Variants in DNAI3 observed in about 807,000 individuals in gnomAD.
The protein encoded by DNAI3 is WD repeat domain 63.
A neutral mutation model predicts 115.5 loss-of-function variants in DNAI3; 83 were observed. The ratio of observed to expected loss-of-function variants is 0.72; its 90% CI spans 0.60 to 0.86. The LOEUF is 0.86. Among genes scored for constraint, DNAI3 ranks in the 40% least tolerant of loss-of-function variants. The probability of loss-of-function intolerance (pLI) is 0.00; values close to 1 mark genes in which losing one functional copy is unlikely to be tolerated. For synonymous variants in DNAI3, 320 were observed against 347.0 expected (o/e 0.92, Z 0.86); for missense variants, 1,004 against 1,075.8 (o/e 0.93, Z 0.93).
At position 85,069,026 on chromosome 1, in the gene DNAI3, C is replaced by T. The variant is rs548319230; in HGVS notation, c.-14-2902C>T. ...AGCTCATCCACACCACAGTGCATAG[C>T]ATGAGAAGAAATAAATGTTTGTTAC... On this transcript the variant is annotated intron_variant, in intron 1 of 22. Transcript: ENST00000294664. Among the ~76,000 whole-genome samples the T allele has an allele frequency of 2.3e-3, 348 of 152,334 alleles. 1 individual carries two copies. Among genetic ancestry groups the T allele is most frequent in the African/African-American group, 8.1e-3 (338 of 41,574 alleles).
At chr1:85,111,732 A>G (rs1027919383) in intron 16 of DNAI3, among the ~76,000 whole-genome samples, 3 of 152,224 alleles carry the variant, frequency 2.0e-5, no homozygotes, top group Admixed American at 1.3e-4. Context: ...TATAGGAAGG[A>G]TATCAGTATC....
intron 21 of DNAI3, among the ~76,000 whole-genome samples, chr1:85,129,609 G>A (rs375460615): frequency 1.3e-5 from 2 of 152,210 alleles, no homozygotes; most frequent in Middle Eastern, 3.4e-3. Flanking sequence ...AAGAAATGGG[G>A]AAAAAGCAAC....
intron 3 of DNAI3, among the ~76,000 whole-genome samples, chr1:85,078,114 T>C (rs1654515516): frequency 6.6e-6 from 1 of 152,088 alleles, no homozygotes; most frequent in East Asian, 1.9e-4. Context: ...TCCTTGTCTA[T>C]GTGTAGAGAA....
In DNAI3 at chr1:85,073,073, A is replaced by G. The variant is rs907393902; in HGVS notation, c.84A>G (p.Pro28=). 2.6e-6 allele frequency: 4 copies of G among 1,554,128 alleles called. No homozygotes were observed. Among genetic ancestry groups the G allele is most frequent in the Non-Finnish European group, 3.5e-6 (4 of 1,148,672 alleles). Residue 28 remains proline, a synonymous_variant, in exon 3 of 23, where the codon CCA becomes CCG. Transcript: ENST00000294664. ...PVLAASEDME[P]VNMESMGHPE... is the part of the protein sequence containing the mutation. ...TTCTAGCTAGTGAAGACATGGAACC[A>G]GTAAATATGGAGAGCATGGGTAAGT...
At chr1:85,069,517 T>G (rs891141646) in intron 1 of DNAI3, among the ~76,000 whole-genome samples, 2 of 152,062 alleles carry the variant, frequency 1.3e-5, no homozygotes, top group African/African-American at 4.8e-5. Flanking sequence ...TATATATATG[T>G]GGAATAAATA....
chr1:85,112,723 G>T (rs888636320), intron 16 of DNAI3, among the ~76,000 whole-genome samples: 1 of 152,090 alleles, frequency 6.6e-6, no homozygotes, highest in Non-Finnish European at 1.5e-5. Flanking sequence ...ATCTTCCCTG[G>T]TTAAGTGTCT....
intron 6 of DNAI3, 46 bp from the exon 7 acceptor site, chr1:85,085,785 A>C (rs868274280): frequency 6.6e-7 from 1 of 1,519,436 alleles, no homozygotes; most frequent in African/African-American, 1.4e-5. Flanking sequence ...TTGCCTACAC[A>C]TCAGGGACTT....
At chr1:85,125,219 C>CTA (rs755784797) in intron 19 of DNAI3, among the ~76,000 whole-genome samples, 6 of 151,764 alleles carry the variant, frequency 4.0e-5, no homozygotes, top group Admixed American at 6.6e-5. Context: ...AAGCCTGAAA[C>CTA]TATATATATA....
chr1:85,110,154 T>G lies in DNAI3; in HGVS notation c.1786+19T>G. On this transcript the variant is annotated intron_variant, in intron 16 of 22. Coordinates refer to ENST00000294664, the MANE Select transcript of DNAI3 (RefSeq NM_145172.5). Reference sequence around the variant, plus strand: ...ACACAAGGTAACTGCCTTTGCTTATTTAAAAAAAAAAAAAAGGCCGGGCGC... The same window carrying G: ...ACACAAGGTAACTGCCTTTGCTTATGTAAAAAAAAAAAAAAGGCCGGGCGC... 6.3e-7 allele frequency: 1 copy of G among 1,597,076 alleles called. No homozygotes were observed. The highest frequency in any genetic ancestry group is 2.2e-5 in the East Asian group (1 of 44,546).
chr1:85,086,739 A>C (rs1322392940), intron 7 of DNAI3, among the ~76,000 whole-genome samples: 1 of 151,972 alleles, frequency 6.6e-6, no homozygotes, highest in Non-Finnish European at 1.5e-5. Flanking sequence ...ACCATTCATC[A>C]TCATCTCCTG....
intron 17 of DNAI3, 60 bp from the exon 18 acceptor site, chr1:85,121,691 G>A: frequency 2.0e-6 from 3 of 1,469,936 alleles, no homozygotes; most frequent in Non-Finnish European, 2.8e-6. Context: ...GCACATGAGT[G>A]TGAAGTCTTT....
intron 16 of DNAI3, among the ~76,000 whole-genome samples, chr1:85,115,386 A>G (rs1655785992): frequency 6.6e-6 from 1 of 152,242 alleles, no homozygotes; most frequent in African/African-American, 2.4e-5. Flanking sequence ...GGATGAATGC[A>G]TAACCACCTG....
intron 3 of DNAI3, among the ~76,000 whole-genome samples, chr1:85,079,004 G>T (rs1398497172): frequency 6.6e-6 from 1 of 152,206 alleles, no homozygotes; most frequent in African/African-American, 2.4e-5. Flanking sequence ...TGTCTTTCCA[G>T]TGTCAAGGAT....
intron 10 of DNAI3, among the ~76,000 whole-genome samples, chr1:85,095,160 G>T (rs1000662773): frequency 1.3e-5 from 2 of 152,124 alleles, no homozygotes; most frequent in African/African-American, 2.4e-5. Flanking sequence ...GAGGCTGAAG[G>T]CTGGGTTTGC....
chr1:85,062,804 TAATGAATGAATG>T lies in DNAI3; in HGVS notation c.-15+343_-15+354del, dbSNP rs10573039. Reference sequence around the variant, plus strand: ...CTCAATAAACCATGAATGAGTCAGTTAATGAATGAATGAATGAATGAATGAATGAATGAATGC... The same window carrying T: ...CTCAATAAACCATGAATGAGTCAGTTAATGAATGAATGAATGAATGAATGC... On this transcript the variant is annotated intron_variant, in intron 1 of 22. Transcript: ENST00000294664. Among the ~76,000 whole-genome samples the T allele has an allele frequency of 9.6e-3, 1,445 of 150,778 alleles. 25 individuals carry two copies. The highest frequency in any genetic ancestry group is 0.033 in the African/African-American group (1,338 of 40,982).
chr1:85,126,582 C>T lies in DNAI3; in HGVS notation c.2184C>T (p.Pro728=), dbSNP rs372296659. The T allele has an allele frequency of 2.7e-5, 43 of 1,613,988 alleles. No homozygotes were observed. The highest frequency in any genetic ancestry group is 5.3e-5 in the African/African-American group (4 of 74,910). ...YTSGHWSLTR[P]GVFYIGREDG... ...CAGGCCACTGGTCCCTGACTCGGCC[C>T]GGAGTTTTCTACATCGGCCGAGAAG... The change falls in exon 20 of 23, where the codon CCC becomes CCT. Residue 728 remains proline, a synonymous_variant. Coordinates refer to ENST00000294664, the MANE Select transcript of DNAI3 (RefSeq NM_145172.5).
At chr1:85,111,051 G>A (rs760445936) in intron 16 of DNAI3, among the ~76,000 whole-genome samples, 2 of 152,096 alleles carry the variant, frequency 1.3e-5, no homozygotes, top group Non-Finnish European at 2.9e-5. Context: ...GAAAATGTTC[G>A]AGAATAACTA....
chr1:85,087,562 C>A (rs187490090), intron 7 of DNAI3, among the ~76,000 whole-genome samples: 1 of 151,264 alleles, frequency 6.6e-6, no homozygotes, highest in East Asian at 2.0e-4. Context: ...TTCGTCATCT[C>A]TCTTCTCTTC....
At chr1:85,110,684 T>C (rs979624949) in intron 16 of DNAI3, among the ~76,000 whole-genome samples, 3 of 152,206 alleles carry the variant, frequency 2.0e-5, no homozygotes, top group African/African-American at 7.2e-5. Flanking sequence ...AAATATTTAT[T>C]GAGCACATTT....
Sources: gnomAD v4.1 joint callset for allele counts (sites outside exome capture counted in the v4.1 genomes callset) on GRCh38, gnomAD v4.1.1 for gene constraint, MANE v1.5 for transcripts, NCBI Gene and HGNC (gene_info 2026-07-23, HGNC 2026-07-21) for gene names.